The following RAB35 variants were observed in gnomAD, a reference collection of about 807,000 sequenced individuals.
RAB35 encodes the protein RAB35, member RAS oncogene family.
A neutral mutation model predicts 28.9 loss-of-function variants in RAB35; 4 were observed. That is an observed-to-expected ratio of 0.14 (90% CI 0.07 to 0.32). The LOEUF is 0.32. RAB35 is among the 10% of genes least tolerant of loss of function. The probability of loss-of-function intolerance (pLI) is 1.00; values close to 1 mark genes in which losing one functional copy is unlikely to be tolerated. For missense variants in RAB35, 128 were observed against 274.0 expected (o/e 0.47, Z 3.76); for synonymous variants, 99 against 105.1 (o/e 0.94, Z 0.35).
chr12:120,111,870 A>C (rs1594246173), intron 1 of RAB35, among the ~76,000 whole-genome samples: 1 of 151,580 alleles, frequency 6.6e-6, no homozygotes, highest in African/African-American at 2.4e-5. Context: ...CCATTACCCC[A>C]CACCATCAGT....
In RAB35 at chr12:120,098,901, C is replaced by T. The variant is rs1445026176; in HGVS notation, c.387G>A (p.Val129=). ...GNKNDDPERK[V]VETEDAYKFA... ...ATTTGTAGGCATCTTCCGTCTCCACCACCTTCCGCTCAGGGTCGTCATTCT... is the reference window on the plus strand; with the variant it reads ...ATTTGTAGGCATCTTCCGTCTCCACTACCTTCCGCTCAGGGTCGTCATTCT... Residue 129 remains valine, a synonymous_variant, in exon 5 of 6, where the codon GTG becomes GTA. Transcript: ENST00000229340. 6.2e-7 allele frequency: 1 copy of T among 1,614,248 alleles called. No homozygotes were observed. Among genetic ancestry groups the T allele is most frequent in the East Asian group, 2.2e-5 (1 of 44,876 alleles).
In RAB35 at chr12:120,103,933, C is replaced by A. The variant is rs372699146; in HGVS notation, c.120G>T (p.Thr40=). ...DNTFSGSYIT[T]IGVDFKIRTV... ...TCCGGATCTTGAAATCCACTCCGAT[C>A]GTGGTGATGTAGCTGCCTGCACACA... Residue 40 remains threonine, a synonymous_variant, in exon 3 of 6, where the codon ACG becomes ACT. Coordinates refer to ENST00000229340, the MANE Select transcript of RAB35 (RefSeq NM_006861.7). The surrounding 1 kb of genome is among the most constrained non-coding windows in gnomAD (Gnocchi z 6.1). The A allele has an allele frequency of 9.3e-6, 15 of 1,613,938 alleles. No individual in the cohort carries two copies. Among genetic ancestry groups the A allele is most frequent in the Non-Finnish European group, 1.2e-5 (14 of 1,180,010 alleles).
intron 2 of RAB35, 143 bp from the exon 3 acceptor site, chr12:120,104,092 A>G (rs1875770346): frequency 8.9e-7 from 1 of 1,120,138 alleles, no homozygotes; most frequent in Non-Finnish European, 1.2e-6. Flanking sequence ...CCAGGGACAC[A>G]GCCCTGAACA....
In RAB35 at chr12:120,097,245, T is replaced by C; in HGVS notation, c.606A>G (p.Ter202=). Residue 202 remains the stop codon, a stop_retained_variant, in exon 6 of 6, where the codon TAA becomes TAG. Transcript: ENST00000229340. ...AGTCTCTGCAGTGGACTGGGTGCCA[T>C]TAGCAGCAGCGTTTCTTTCGTTTAC... is the stretch of plus-strand genomic sequence containing the variant. ...KNSKRKKRCC[*] is the part of the protein sequence containing the mutation. 6.2e-7 allele frequency: 1 copy of C among 1,614,120 alleles called. No individual in the cohort carries two copies. The highest frequency in any genetic ancestry group is 8.5e-7 in the Non-Finnish European group (1 of 1,180,032).
chr12:120,098,979 C>T (rs7970908), intron 4 of RAB35, 44 bp from the exon 5 acceptor site: 128,019 of 1,613,898 alleles, frequency 0.079, 5,893 homozygotes, highest in African/African-American at 0.19. Flanking sequence ...GGGGCGCAGC[C>T]GGCTGCCTCT....
intron 1 of RAB35, among the ~76,000 whole-genome samples, chr12:120,109,837 G>A (rs1359859439): frequency 1.3e-5 from 2 of 151,998 alleles, no homozygotes; most frequent in Non-Finnish European, 2.9e-5. Context: ...AGTGCTTTCA[G>A]CCTGCCAAGT....
At chr12:120,108,539 G>T in intron 1 of RAB35, 72 bp from the exon 2 acceptor site, 1 of 1,426,580 alleles carries the variant, frequency 7.0e-7, no homozygotes, top group East Asian at 2.3e-5. Flanking sequence ...CCTTCTTCCG[G>T]GAGAGGATGC....
Position 120,096,924 on chromosome 12 carries a change from G to A in RAB35, c.*321C>T, listed in dbSNP as rs758363012. Reference sequence around the variant, plus strand: ...AAGAAGGCAAAAGCCAGAGCAGGACGTGGTGTGCGGCCGGGTAGAGCAATA... The same window carrying A: ...AAGAAGGCAAAAGCCAGAGCAGGACATGGTGTGCGGCCGGGTAGAGCAATA... On this transcript the variant is annotated 3_prime_UTR_variant, in exon 6 of 6. Coordinates refer to ENST00000229340, the MANE Select transcript of RAB35 (RefSeq NM_006861.7). The A allele has an allele frequency of 3.0e-6, 4 of 1,343,772 alleles. No individual in the cohort carries two copies. Among genetic ancestry groups the A allele is most frequent in the South Asian group, 1.2e-5 (1 of 81,502 alleles). The allele number at this position is 1,343,772 out of a possible 1,614,324, so 83.2% of individuals were successfully genotyped here.
At chr12:120,104,552 G>A (rs1201774883) in intron 2 of RAB35, among the ~76,000 whole-genome samples, 5 of 152,292 alleles carry the variant, frequency 3.3e-5, no homozygotes, top group Admixed American at 3.3e-4. Context: ...ACTTTCTCTC[G>A]TGTGTGCTGG....
In RAB35 at chr12:120,109,453, CA is replaced by C. The variant is rs527343607; in HGVS notation, c.53-987del. On this transcript the variant is annotated intron_variant, in intron 1 of 5. Transcript: ENST00000229340. ...GGGCAACAAGAGCGAAACTCTGTCTCAAAAAAAAAAAAATGGGGTTTCATTC... is the reference window on the plus strand; with the variant it reads ...GGGCAACAAGAGCGAAACTCTGTCTCAAAAAAAAAAAATGGGGTTTCATTC... Among the ~76,000 whole-genome samples, 329 of 135,942 alleles carry C rather than the reference CA, an allele frequency of 2.4e-3. 1 individual carries two copies. The highest frequency in any genetic ancestry group is 0.011 in the South Asian group (46 of 4,306). 89.2% of individuals were successfully genotyped at this position (135,942 alleles called of 152,430 possible). A position where few individuals can be genotyped will look rare whatever the true frequency, so the allele number is the denominator to read the frequency against.
At position 120,097,272 on chromosome 12, in the gene RAB35, G is replaced by C; in HGVS notation, c.579C>G (p.Asn193Lys). ...AGCAGCAGCGTTTCTTTCGTTTACT[G>C]TTCTTCGTGAGCTTCACCACATCGT... ...QQNDVVKLTKNSKRKKRCC is the reference protein window; with the variant it reads ...QQNDVVKLTKKSKRKKRCC The change falls in exon 6 of 6, where the codon AAC becomes AAG. Residue 193 changes from asparagine to lysine, a missense_variant. Physicochemically the swap from Asn to Lys is moderately conservative, Grantham distance 94. Transcript: ENST00000229340. The C allele has an allele frequency of 6.2e-7, 1 of 1,614,086 alleles. No homozygotes were observed. The highest frequency in any genetic ancestry group is 2.2e-5 in the East Asian group (1 of 44,884).
At chr12:120,101,387 C>T (rs775509717) in intron 3 of RAB35, among the ~76,000 whole-genome samples, 22 of 152,268 alleles carry the variant, frequency 1.4e-4, no homozygotes, top group Non-Finnish European at 2.9e-4. Context: ...CTTGTCACTT[C>T]TCCCCTCACC....
rs573903083 is a variant in RAB35, at chr12:120,103,960, A to C, written c.104-11T>G. 6.2e-7 allele frequency: 1 copy of C among 1,613,746 alleles called. No homozygotes were observed. The highest frequency in any genetic ancestry group is 8.5e-7 in the Non-Finnish European group (1 of 1,179,840). On this transcript the variant is annotated splice_polypyrimidine_tract_variant and intron_variant, in intron 2 of 5. Coordinates refer to ENST00000229340, the MANE Select transcript of RAB35 (RefSeq NM_006861.7). The surrounding 1 kb of genome is among the most constrained non-coding windows in gnomAD (Gnocchi z 6.1). ...TGGTGATGTAGCTGCCTGCACACACAGGGCAGTTAACGAGGCCCAGCGCGG... is the reference window on the plus strand; with the variant it reads ...TGGTGATGTAGCTGCCTGCACACACCGGGCAGTTAACGAGGCCCAGCGCGG...
Position 120,097,144 on chromosome 12 carries a change from T to C in RAB35, c.*101A>G. 1 of 1,609,712 alleles carries C rather than the reference T, an allele frequency of 6.2e-7. No homozygotes were observed. Among genetic ancestry groups the C allele is most frequent in the Non-Finnish European group, 8.5e-7 (1 of 1,178,798 alleles). On this transcript the variant is annotated 3_prime_UTR_variant, in exon 6 of 6. Coordinates refer to ENST00000229340, the MANE Select transcript of RAB35 (RefSeq NM_006861.7). Reference sequence around the variant, plus strand: ...ATACAAAAACATGGAGAGAATTCTTTAAATAACGGCACGAAACTGAGACTG... The same window carrying C: ...ATACAAAAACATGGAGAGAATTCTTCAAATAACGGCACGAAACTGAGACTG...
rs1875408414 is a variant in RAB35, at chr12:120,096,655, G to T, written c.*590C>A. On this transcript the variant is annotated 3_prime_UTR_variant, in exon 6 of 6. Transcript: ENST00000229340. ...AGGTTCCCCAGCTCCCAGAATGGCT[G>T]TGGGGACAGGACAACGGGGAGGGAA... The T allele has an allele frequency of 7.8e-7, 1 of 1,289,782 alleles. No individual in the cohort carries two copies. The allele number at this position is 1,289,782 out of a possible 1,614,324, so 79.9% of individuals were successfully genotyped here.
intron 1 of RAB35, among the ~76,000 whole-genome samples, chr12:120,114,644 C>T (rs974346063): frequency 3.9e-5 from 6 of 152,216 alleles, no homozygotes; most frequent in Admixed American, 1.3e-4. Flanking sequence ...GCACAACCTA[C>T]GCCTACATGG....
In RAB35 at chr12:120,097,293, A is replaced by G. The variant is rs201852744; in HGVS notation, c.558T>C (p.Asp186=). The change falls in exon 6 of 6, where the codon GAT becomes GAC. Residue 186 remains aspartate (D), a synonymous_variant. Transcript: ENST00000229340. The part of the protein sequence containing the change: ...LAKQQQQQQN[D]VVKLTKNSKR... ...TACTGTTCTTCGTGAGCTTCACCACATCGTTCTGTTGTTGCTGCTGCTGTT... is the reference window on the plus strand; with the variant it reads ...TACTGTTCTTCGTGAGCTTCACCACGTCGTTCTGTTGTTGCTGCTGCTGTT... The G allele has an allele frequency of 2.2e-4, 356 of 1,613,838 alleles. No homozygotes were observed. Among genetic ancestry groups the G allele is most frequent in the Non-Finnish European group, 2.8e-4 (331 of 1,180,046 alleles).
intron 1 of RAB35, among the ~76,000 whole-genome samples, chr12:120,111,614 G>C (rs1876121210): frequency 6.6e-6 from 1 of 151,974 alleles, no homozygotes; most frequent in African/African-American, 2.4e-5. Flanking sequence ...CCAGGAGGCG[G>C]AGGTTGCAGC....
chr12:120,104,157 GCAAA>G (rs1168831718), intron 2 of RAB35, among the ~76,000 whole-genome samples: 4 of 152,110 alleles, frequency 2.6e-5, no homozygotes, highest in Non-Finnish European at 4.4e-5. Context: ...CAGGATGCAA[GCAAA>G]CAAACAAAGA....
Sources: gnomAD v4.1 joint callset for allele counts (sites outside exome capture counted in the v4.1 genomes callset) on GRCh38, gnomAD v4.1.1 for gene constraint, Gnocchi (gnomAD v3.1) non-coding constraint, MANE v1.5 for transcripts, NCBI Gene and HGNC (gene_info 2026-07-23, HGNC 2026-07-21) for gene names.